The following MYO16 variants were observed in gnomAD, a reference collection of about 807,000 sequenced individuals.
MYO16 encodes the protein myosin XVI.
In MYO16, 94 loss-of-function variants were observed where a neutral mutation model predicts 205.3. That is an observed-to-expected ratio of 0.46 (90% CI 0.39 to 0.54). The LOEUF (loss-of-function observed/expected upper bound fraction) is 0.54, where lower values mean the gene tolerates loss of function less well. Ranked by LOEUF, MYO16 falls within the 20% of genes least tolerant of loss-of-function variation. The pLI is 0.00. For missense variants in MYO16, 2,315 were observed against 2,387.5 expected (o/e 0.97, Z 0.63); for synonymous variants, 988 against 954.0 (o/e 1.04, Z -0.66).
chr13:108,899,438 A>G (rs372189909), intron 15 of MYO16, among the ~76,000 whole-genome samples: 2 of 151,310 alleles, frequency 1.3e-5, no homozygotes, highest in East Asian at 1.9e-4. Context: ...AAAAAAAAAG[A>G]AAGAAAGAAA....
At chr13:108,812,077 C>T (rs1442070987) in intron 7 of MYO16, among the ~76,000 whole-genome samples, 6 of 152,206 alleles carry the variant, frequency 3.9e-5, no homozygotes, top group African/African-American at 1.4e-4. Context: ...TTCTAGAATG[C>T]ACCACCACAT....
intron 5 of MYO16, among the ~76,000 whole-genome samples, chr13:108,791,487 T>C (rs1442837869): frequency 6.6e-6 from 1 of 152,180 alleles, no homozygotes; most frequent in African/African-American, 2.4e-5. Flanking sequence ...TAACTTACTA[T>C]CAAGCAACGG....
the MYO16 span, among the ~76,000 whole-genome samples, chr13:108,516,346 C>T: frequency 1.9e-3 from 288 of 151,916 alleles, no homozygotes; most frequent in Non-Finnish European, 3.5e-3. Flanking sequence ...GCGCACGGTG[C>T]GCGCACACAC....
intron 16 of MYO16, among the ~76,000 whole-genome samples, chr13:108,943,356 A>G (rs1882806562): frequency 6.6e-6 from 1 of 152,214 alleles, no homozygotes; most frequent in Non-Finnish European, 1.5e-5. Flanking sequence ...CCCTACGACG[A>G]GTTCCTGATC....
chr13:109,025,170 T>C (rs895169455), intron 23 of MYO16, among the ~76,000 whole-genome samples: 2 of 152,104 alleles, frequency 1.3e-5, no homozygotes, highest in African/African-American at 4.8e-5. Context: ...TACCTGGTCT[T>C]TTTACTGGAA....
intron 2 of MYO16, among the ~76,000 whole-genome samples, chr13:108,680,681 A>G (rs1244421504): frequency 6.6e-6 from 1 of 152,206 alleles, no homozygotes; most frequent in Admixed American, 6.5e-5. Flanking sequence ...CTACTATGCC[A>G]TAGGACAAGG....
At chr13:108,569,789 A>C in the MYO16 span, among the ~76,000 whole-genome samples, 1 of 152,136 alleles carries the variant, frequency 6.6e-6, no homozygotes, top group African/African-American at 2.4e-5. Flanking sequence ...TTTTGTGTAG[A>C]TGTCCTTTAT....
intron 28 of MYO16, among the ~76,000 whole-genome samples, chr13:109,118,631 A>G (rs910144647): frequency 1.3e-5 from 2 of 152,192 alleles, no homozygotes; most frequent in Admixed American, 1.3e-4. Context: ...AGTCTCCCAC[A>G]ATGAGTTACA....
intron 14 of MYO16, among the ~76,000 whole-genome samples, chr13:108,893,488 T>G (rs1880263869): frequency 6.6e-6 from 1 of 152,168 alleles, no homozygotes; most frequent in South Asian, 2.1e-4. Flanking sequence ...AAGAACCTAT[T>G]GATGATACTA....
intron 32 of MYO16, among the ~76,000 whole-genome samples, chr13:109,142,043 G>T (rs563774476): frequency 2.0e-5 from 3 of 152,216 alleles, no homozygotes; most frequent in African/African-American, 4.8e-5. Flanking sequence ...TCCATGACAG[G>T]CTGTTGCCTG....
intron 2 of MYO16, among the ~76,000 whole-genome samples, chr13:108,704,985 A>G (rs1883451746): frequency 6.6e-6 from 1 of 152,092 alleles, no homozygotes; most frequent in Non-Finnish European, 1.5e-5. Flanking sequence ...CCAAAACAAA[A>G]ATTACTAAAA....
At chr13:108,660,629 C>T (rs992945379) in intron 1 of MYO16, among the ~76,000 whole-genome samples, 5 of 152,240 alleles carry the variant, frequency 3.3e-5, no homozygotes, top group South Asian at 2.1e-4. Flanking sequence ...GCATGAAATG[C>T]CTTTTTCCAC....
intron 16 of MYO16, among the ~76,000 whole-genome samples, chr13:108,932,922 C>T (rs1385245271): frequency 6.6e-6 from 1 of 152,056 alleles, no homozygotes; most frequent in East Asian, 1.9e-4. Flanking sequence ...TGTCAGCTCT[C>T]CTTTTGAGCT....
intron 16 of MYO16, among the ~76,000 whole-genome samples, chr13:108,917,596 T>C (rs1290532219): frequency 6.6e-6 from 1 of 151,538 alleles, no homozygotes; most frequent in Non-Finnish European, 1.5e-5. Context: ...TAGATGAATA[T>C]TGCAATGTAT....
At chr13:108,595,210 C>A (rs1422320276), upstream of MYO16, among the ~76,000 whole-genome samples, 1 of 152,206 alleles carries the variant, frequency 6.6e-6, no homozygotes, top group Non-Finnish European at 1.5e-5. Context: ...TTTCAGGGAC[C>A]AGTCACAGAA....
At chr13:108,677,829 G>A (rs1882297741) in intron 2 of MYO16, among the ~76,000 whole-genome samples, 2 of 152,324 alleles carry the variant, frequency 1.3e-5, no homozygotes, top group Admixed American at 6.5e-5. Context: ...TTAGCTGAAT[G>A]AATGCTACAG....
chr13:109,015,345 G>A (rs1399520330), intron 22 of MYO16, among the ~76,000 whole-genome samples: 1 of 152,160 alleles, frequency 6.6e-6, no homozygotes, highest in Admixed American at 6.5e-5. Context: ...TCTTTGATGT[G>A]CTGCTGGATT....
In MYO16 at chr13:109,084,705, C is replaced by T. The variant is rs371762793; in HGVS notation, c.3336-16080C>T. Among the ~76,000 whole-genome samples the T allele has an allele frequency of 5.3e-5, 8 of 152,036 alleles. No individual in the cohort carries two copies. In the South Asian group the frequency reaches 1.7e-3, roughly 32 times the overall value. ...GTAATTATTAAAATTTTTTCTCCCA[C>T]CTCTTCTCATTTCTCCTTCCTTCCC... is the stretch of plus-strand genomic sequence containing the variant. On this transcript the variant is annotated intron_variant, in intron 27 of 34. Coordinates refer to ENST00000457511, the MANE Select transcript of MYO16 (RefSeq NM_001198950.3).
the MYO16 span, among the ~76,000 whole-genome samples, chr13:108,539,111 A>G: frequency 6.6e-6 from 1 of 152,128 alleles, no homozygotes; most frequent in South Asian, 2.1e-4. Flanking sequence ...GTTGTTATTT[A>G]TCGGAAAAAA....
Sources: allele counts gnomAD v4.1 joint callset (sites outside exome capture counted in the v4.1 genomes callset), GRCh38; gene constraint gnomAD v4.1.1; transcripts MANE v1.5; gene names NCBI Gene and HGNC (gene_info 2026-07-23, HGNC 2026-07-21).